PCSK2: variants seen among roughly 807,000 people sequenced by gnomAD.
PCSK2 encodes proprotein convertase subtilisin/kexin type 2.
A neutral mutation model predicts 69.7 loss-of-function variants in PCSK2; 14 were observed. The ratio of observed to expected loss-of-function variants is 0.20; its 90% CI spans 0.13 to 0.31. The LOEUF (loss-of-function observed/expected upper bound fraction) is 0.31, where lower values mean the gene tolerates loss of function less well. PCSK2 is among the 10% of genes least tolerant of loss of function. The pLI, the probability that PCSK2 is intolerant of heterozygous loss-of-function variation, is 1.00. For missense variants in PCSK2, 544 were observed against 842.5 expected (o/e 0.65, Z 4.39); for synonymous variants, 307 against 320.7 (o/e 0.96, Z 0.46).
chr20:17,407,525 G>A (rs6044786), intron 5 of PCSK2, among the ~76,000 whole-genome samples: 2 of 152,128 alleles, frequency 1.3e-5, no homozygotes, highest in Non-Finnish European at 2.9e-5. Context: ...TCAGAGGTTA[G>A]GAGAACAGAA....
chr20:17,410,640 A>T (rs2031850556), intron 6 of PCSK2, among the ~76,000 whole-genome samples: 1 of 152,216 alleles, frequency 6.6e-6, no homozygotes, highest in Admixed American at 6.5e-5. Context: ...TGTTTAGAGG[A>T]TGAGAATGTA....
intron 2 of PCSK2, among the ~76,000 whole-genome samples, chr20:17,303,524 ATAT>A (rs1568593836): frequency 2.6e-5 from 1 of 38,602 alleles, no homozygotes; most frequent in Admixed American, 5.3e-4. Context: ...ATAATATAAT[ATAT>A]ATTATATTAT....
At chr20:17,426,483 A>G (rs1414931939) in intron 6 of PCSK2, among the ~76,000 whole-genome samples, 1 of 152,256 alleles carries the variant, frequency 6.6e-6, no homozygotes, top group Non-Finnish European at 1.5e-5. Context: ...AGATTTAATT[A>G]CTTAGTTACT....
At chr20:17,277,635 A>T (rs1324353680) in intron 2 of PCSK2, among the ~76,000 whole-genome samples, 1 of 147,758 alleles carries the variant, frequency 6.8e-6, no homozygotes, top group Non-Finnish European at 1.5e-5. Context: ...AACCTAGGCA[A>T]TACCATTCAG....
chr20:17,232,132 C>T (rs1378508729), intron 1 of PCSK2, among the ~76,000 whole-genome samples: 1 of 152,210 alleles, frequency 6.6e-6, no homozygotes, highest in African/African-American at 2.4e-5. Context: ...AATCTATCAT[C>T]TTCACAGTCC....
chr20:17,357,245 G>A (rs1478412708), intron 2 of PCSK2, among the ~76,000 whole-genome samples: 1 of 152,162 alleles, frequency 6.6e-6, no homozygotes, highest in Non-Finnish European at 1.5e-5. Context: ...AGAGCTTGGG[G>A]TTCTTTCTGG....
rs193136795 is a variant in PCSK2, at chr20:17,334,755, A to G, written c.283-23572A>G. The stretch of plus-strand genomic sequence containing the variant: ...TACTTCTCACCCACACATCTATTGT[A>G]TGGGCCTGGGATGGAAATCTGCGCC... On this transcript the variant is annotated intron_variant, in intron 2 of 11. Transcript: ENST00000262545. 5.3e-5 allele frequency among the ~76,000 whole-genome samples: 8 copies of G among 152,300 alleles called. No homozygotes were observed. The Middle Eastern group carries it at 0.017, about 324-fold the overall frequency.
intron 2 of PCSK2, among the ~76,000 whole-genome samples, chr20:17,331,326 G>C (rs1990200796): frequency 6.6e-6 from 1 of 152,170 alleles, no homozygotes; most frequent in South Asian, 2.1e-4. Flanking sequence ...ACTTTCATGA[G>C]TGTCACCTTC....
intron 1 of PCSK2, among the ~76,000 whole-genome samples, chr20:17,251,588 C>G (rs1986981193): frequency 1.3e-5 from 2 of 152,184 alleles, no homozygotes; most frequent in Non-Finnish European, 2.9e-5. Flanking sequence ...AGTTGACAGA[C>G]AGAACCAATA....
intron 2 of PCSK2, among the ~76,000 whole-genome samples, chr20:17,317,280 T>C (rs890597337): frequency 6.6e-6 from 1 of 152,266 alleles, no homozygotes; most frequent in African/African-American, 2.4e-5. Context: ...TGTGAATTAC[T>C]GATACATAAT....
chr20:17,351,442 A>G (rs1421853925), intron 2 of PCSK2, among the ~76,000 whole-genome samples: 1 of 152,222 alleles, frequency 6.6e-6, no homozygotes, highest in Admixed American at 6.5e-5. Flanking sequence ...TAGATGTAAA[A>G]ATTCTCAACA....
At chr20:17,271,404 G>T (rs1050074470) in intron 2 of PCSK2, among the ~76,000 whole-genome samples, 8 of 151,972 alleles carry the variant, frequency 5.3e-5, no homozygotes, top group Non-Finnish European at 1.0e-4. Context: ...AAAAAATAAT[G>T]TTTGAAAACC....
At chr20:17,370,737 A>G (rs975678930) in intron 5 of PCSK2, among the ~76,000 whole-genome samples, 1 of 152,148 alleles carries the variant, frequency 6.6e-6, no homozygotes, top group Non-Finnish European at 1.5e-5. Context: ...CCCTGGACAC[A>G]GTCCTTGCTG....
intron 11 of PCSK2, among the ~76,000 whole-genome samples, chr20:17,477,104 C>T (rs938157138): frequency 5.9e-5 from 9 of 152,228 alleles, no homozygotes; most frequent in Admixed American, 5.9e-4. Context: ...TTTCAGCAAG[C>T]CCTCCCAGGT....
At chr20:17,303,449 A>T (rs868819867) in intron 2 of PCSK2, among the ~76,000 whole-genome samples, 1 of 72,404 alleles carries the variant, frequency 1.4e-5, no homozygotes, top group African/African-American at 6.1e-5. Context: ...TATAATATAT[A>T]TTATATTAAA....
At chr20:17,236,276 A>T (rs1354686699) in intron 1 of PCSK2, among the ~76,000 whole-genome samples, 1 of 152,166 alleles carries the variant, frequency 6.6e-6, no homozygotes, top group Non-Finnish European at 1.5e-5. Context: ...TCAGATAAAT[A>T]TGCTATACAA....
intron 1 of PCSK2, among the ~76,000 whole-genome samples, chr20:17,244,406 G>A (rs1156271823): frequency 6.6e-6 from 1 of 152,166 alleles, no homozygotes; most frequent in Non-Finnish European, 1.5e-5. Context: ...CCACTATAGA[G>A]CAGTGTGACC....
intron 2 of PCSK2, among the ~76,000 whole-genome samples, chr20:17,338,316 T>C (rs71331824): frequency 0.39 from 59,359 of 151,524 alleles, 12,867 homozygotes; most frequent in African/African-American, 0.56. Flanking sequence ...CCTGCCTCAG[T>C]CTCCTGAGTA....
chr20:17,414,368 A>G (rs2031949257), intron 6 of PCSK2, among the ~76,000 whole-genome samples: 1 of 152,240 alleles, frequency 6.6e-6, no homozygotes, highest in African/African-American at 2.4e-5. Flanking sequence ...CACCGATCCC[A>G]CAGAAATACA....
Sources: gnomAD v4.1 joint callset for allele counts (sites outside exome capture counted in the v4.1 genomes callset) on GRCh38, gnomAD v4.1.1 for gene constraint, MANE v1.5 for transcripts, NCBI Gene and HGNC (gene_info 2026-07-23, HGNC 2026-07-21) for gene names.